The following CCDC90B variants were observed in gnomAD, a reference collection of about 807,000 sequenced individuals.
CCDC90B encodes coiled-coil domain-containing protein 90B, mitochondrial.
Under a neutral mutation model 37.0 loss-of-function variants are expected in CCDC90B, and 24 were observed. The observed-to-expected ratio is 0.65, with a 90% confidence interval of 0.47 to 0.91. The LOEUF (loss-of-function observed/expected upper bound fraction) is 0.91. Ranked by LOEUF, CCDC90B falls within the 40% of genes least tolerant of loss-of-function variation. CCDC90B has a pLI of 0.00. For synonymous variants in CCDC90B, 113 were observed against 101.1 expected (o/e 1.12, Z -0.71); for missense variants, 319 against 299.0 (o/e 1.07, Z -0.49).
chr11:83,286,224 CT>C lies in CCDC90B; in HGVS notation c.-253del. The C allele has an allele frequency of 6.6e-7, 1 of 1,515,572 alleles. No individual in the cohort carries two copies. The highest frequency in any genetic ancestry group is 8.8e-7 in the Non-Finnish European group (1 of 1,130,364). 93.9% of individuals were successfully genotyped at this position (1,515,572 alleles called of 1,614,324 possible). On this transcript the variant is annotated 5_prime_UTR_variant, in exon 1 of 9. Coordinates refer to ENST00000529689, the MANE Select transcript of CCDC90B (RefSeq NM_021825.5). ...GCGCCCCTTCCCGACCTTTGAACGC[CT>C]TCACCGCCCTAGGAAAGCGAGATCT...
chr11:83,278,692 A>C (rs149196251), intron 3 of CCDC90B, 34 bp downstream of exon 3: 2 of 1,320,050 alleles, frequency 1.5e-6, no homozygotes, highest in Non-Finnish European at 2.2e-6. Flanking sequence ...TTGTCTAATG[A>C]AAGTATCAGA....
At chr11:83,285,519 A>G (rs1393131953) in intron 1 of CCDC90B, 1 of 1,155,164 alleles carries the variant, frequency 8.7e-7, no homozygotes, top group Non-Finnish European at 1.1e-6. Context: ...ATCAGGCCAC[A>G]AAAGAAAACA....
At position 83,273,810 on chromosome 11, in the gene CCDC90B, T is replaced by G. The variant is rs776067402; in HGVS notation, c.523A>C (p.Ser175Arg). 6.2e-7 allele frequency: 1 copy of G among 1,610,116 alleles called. No individual in the cohort carries two copies. The highest frequency in any genetic ancestry group is 8.5e-7 in the Non-Finnish European group (1 of 1,177,826). The part of the protein sequence containing the change: ...DNKLDINLER[S>R]RVTDMFTDQE... Reference sequence around the variant, plus strand: ...AACATTACCATATCTGTTACTCTGCTCCTTTCTAAGTTGATATCCAGTTTA... The same window carrying G: ...AACATTACCATATCTGTTACTCTGCGCCTTTCTAAGTTGATATCCAGTTTA... The change falls in exon 6 of 9, where the codon AGC becomes CGC. Residue 175 changes from serine (S) to arginine (R), a missense_variant. Physicochemically the swap from Ser to Arg is moderately radical, Grantham distance 110. Coordinates refer to ENST00000529689, the MANE Select transcript of CCDC90B (RefSeq NM_021825.5).
rs1198540361 is a variant in CCDC90B, at chr11:83,261,865, T to C, written c.*46A>G. The stretch of plus-strand genomic sequence containing the variant: ...ATGTTCAAAGTAAATCTCTCCCGGT[T>C]TGGTGTTCTAAGAAGCCAACAGCCA... On this transcript the variant is annotated 3_prime_UTR_variant, in exon 9 of 9. Coordinates refer to ENST00000529689, the MANE Select transcript of CCDC90B (RefSeq NM_021825.5). 1 of 1,370,378 alleles carries C rather than the reference T, an allele frequency of 7.3e-7. No individual in the cohort carries two copies. The highest frequency in any genetic ancestry group is 1.0e-6 in the Non-Finnish European group (1 of 978,282). The allele number at this position is 1,370,378 out of a possible 1,614,324, so 84.9% of individuals were successfully genotyped here.
Position 83,265,754 on chromosome 11 carries a change from G to A in CCDC90B, c.709+111C>T, listed in dbSNP as rs192187600. 1.2e-3 allele frequency: 764 copies of A among 640,802 alleles called. 6 individuals carry two copies. The highest frequency in any genetic ancestry group is 2.4e-4 in the Non-Finnish European group (89 of 365,548). 39.7% of individuals were successfully genotyped at this position (640,802 alleles called of 1,614,324 possible). A position where few individuals can be genotyped will look rare whatever the true frequency, so the allele number is the denominator to read the frequency against. ...CACTACAGGGGACCAAGCAATAAAG[G>A]AGCCTTGTTATCTAGCTCCTCCTTT... is the stretch of plus-strand genomic sequence containing the variant. On this transcript the variant is annotated intron_variant, in intron 8 of 8. Transcript: ENST00000529689.
intron 8 of CCDC90B, among the ~76,000 whole-genome samples, chr11:83,264,160 TC>T (rs1591027247): frequency 1.3e-5 from 2 of 152,148 alleles, no homozygotes; most frequent in East Asian, 3.8e-4. Context: ...TACAGTATTG[TC>T]CTTAATAATA....
intron 3 of CCDC90B, among the ~76,000 whole-genome samples, chr11:83,275,786 G>A (rs1376619675): frequency 1.3e-5 from 2 of 152,314 alleles, no homozygotes; most frequent in East Asian, 3.9e-4. Context: ...CATTTACTGT[G>A]AGATGCCAGC....
intron 2 of CCDC90B, among the ~76,000 whole-genome samples, chr11:83,279,880 ACT>A (rs1865282441): frequency 6.7e-6 from 1 of 149,806 alleles, no homozygotes; most frequent in Non-Finnish European, 1.5e-5. Flanking sequence ...TAACCTAGAA[ACT>A]CTAGTTTTTT....
chr11:83,273,776 A>G lies in CCDC90B; in HGVS notation c.540+17T>C, dbSNP rs1218649187. ...AAGGAGTAAGTAACCAAGAAAGTAC[A>G]TTTAAAAGAACATTACCATATCTGT... On this transcript the variant is annotated intron_variant, in intron 6 of 8. Coordinates refer to ENST00000529689, the MANE Select transcript of CCDC90B (RefSeq NM_021825.5). 5 of 1,604,018 alleles carry G rather than the reference A, an allele frequency of 3.1e-6. No homozygotes were observed. In the South Asian group the frequency reaches 5.6e-5, roughly 18 times the overall value.
chr11:83,285,514 G>T (rs1488877161), intron 1 of CCDC90B: 2 of 1,147,668 alleles, frequency 1.7e-6, no homozygotes, highest in African/African-American at 3.3e-5. Context: ...ATTTGATCAG[G>T]CCACAAAAGA....
intron 7 of CCDC90B, among the ~76,000 whole-genome samples, chr11:83,272,591 G>A (rs1364601546): frequency 6.6e-6 from 1 of 152,120 alleles, no homozygotes; most frequent in Non-Finnish European, 1.5e-5. Flanking sequence ...CAGGTATAGG[G>A]GACAAAGGGT....
At chr11:83,278,305 T>A (rs1865167416) in intron 3 of CCDC90B, among the ~76,000 whole-genome samples, 1 of 152,198 alleles carries the variant, frequency 6.6e-6, no homozygotes, top group Non-Finnish European at 1.5e-5. Context: ...ATTTATAAAG[T>A]CCCTCCCAGC....
At chr11:83,274,199 T>G in intron 4 of CCDC90B, 2 of 396,592 alleles carry the variant, frequency 5.0e-6, no homozygotes, top group Non-Finnish European at 8.8e-6. Context: ...GTTTTTATAT[T>G]ATACTTTTAA....
intron 7 of CCDC90B, among the ~76,000 whole-genome samples, chr11:83,268,880 CAAATGT>C (rs1864462750): frequency 6.6e-6 from 1 of 152,092 alleles, no homozygotes; most frequent in Non-Finnish European, 1.5e-5. Flanking sequence ...CACTCCTCAG[CAAATGT>C]AAAAGAACAG....
intron 3 of CCDC90B, among the ~76,000 whole-genome samples, chr11:83,277,766 G>A (rs182135481): frequency 4.6e-5 from 7 of 152,176 alleles, no homozygotes; most frequent in East Asian, 3.9e-4. Context: ...AAAGTAATGG[G>A]ATTACAGGTG....
At position 83,286,153 on chromosome 11, in the gene CCDC90B, G is replaced by A. The variant is rs905819111; in HGVS notation, c.-181C>T. The A allele has an allele frequency of 5.3e-5, 81 of 1,536,074 alleles. No individual in the cohort carries two copies. In the East Asian group the frequency reaches 2.0e-3, roughly 38 times the overall value. On this transcript the variant is annotated 5_prime_UTR_variant, in exon 1 of 9. Coordinates refer to ENST00000529689, the MANE Select transcript of CCDC90B (RefSeq NM_021825.5). ...ACGAAACTGGGTCTCTTCACAGACAGACCCACAGTTCGCGAGCATGGCTCA... is the reference window on the plus strand; with the variant it reads ...ACGAAACTGGGTCTCTTCACAGACAAACCCACAGTTCGCGAGCATGGCTCA...
Position 83,261,851 on chromosome 11 carries a change from A to G in CCDC90B, c.*60T>C, listed in dbSNP as rs373174461. On this transcript the variant is annotated 3_prime_UTR_variant, in exon 9 of 9. Transcript: ENST00000529689. The stretch of plus-strand genomic sequence containing the variant: ...TGCTGCAACTGACAATGTTCAAAGT[A>G]AATCTCTCCCGGTTTGGTGTTCTAA... 1.6e-6 allele frequency: 2 copies of G among 1,250,144 alleles called. No individual in the cohort carries two copies. The highest frequency in any genetic ancestry group is 2.3e-6 in the Non-Finnish European group (2 of 871,050). 77.4% of individuals were successfully genotyped at this position (1,250,144 alleles called of 1,614,324 possible). A position where few individuals can be genotyped will look rare whatever the true frequency, so the allele number is the denominator to read the frequency against.
rs147382107 is a variant in CCDC90B at position 83,267,810 on chromosome 11, G to T, written c.595-1831C>A. Among the ~76,000 whole-genome samples the T allele has an allele frequency of 3.5e-3, 530 of 152,262 alleles. 4 individuals carry two copies. Among genetic ancestry groups the T allele is most frequent in the African/African-American group, 0.012 (501 of 41,540 alleles). ...GCAACCCCAAGACACATAATTATCA[G>T]ATTCACCAAGGTTGAAATGAAGGAA... On this transcript the variant is annotated intron_variant, in intron 7 of 8. Transcript: ENST00000529689.
rs1386433892 is a variant in CCDC90B, at chr11:83,278,714, T to A, written c.324+12A>T. On this transcript the variant is annotated intron_variant, in intron 3 of 8. Transcript: ENST00000529689. ...ATGAAAGTATCAGAAGTGATAGTAA[T>A]CAGTGTATTACCTGTTGAGCTTGAG... 1.3e-6 allele frequency: 2 copies of A among 1,496,064 alleles called. No individual in the cohort carries two copies. The highest frequency in any genetic ancestry group is 2.8e-5 in the African/African-American group (2 of 72,382). 92.7% of individuals were successfully genotyped at this position (1,496,064 alleles called of 1,614,324 possible). A position where few individuals can be genotyped will look rare whatever the true frequency, so the allele number is the denominator to read the frequency against.
Sources: allele counts gnomAD v4.1 joint callset (sites outside exome capture counted in the v4.1 genomes callset), GRCh38; gene constraint gnomAD v4.1.1; transcripts MANE v1.5; gene names NCBI Gene and HGNC (gene_info 2026-07-23, HGNC 2026-07-21).